TMCO1: variants seen among roughly 807,000 people sequenced by gnomAD.
TMCO1 encodes the protein transmembrane and coiled-coil domains 1, also known as calcium load-activated calcium channel.
TMCO1 carries 29 observed loss-of-function variants against 29.3 expected under a neutral mutation model. The ratio of observed to expected loss-of-function variants is 0.99; its 90% CI spans 0.74 to 1.35. The LOEUF (loss-of-function observed/expected upper bound fraction) is 1.35. Among genes scored for constraint, TMCO1 ranks in the 40% most tolerant of loss-of-function variants. The probability of loss-of-function intolerance (pLI) is 0.00; values close to 1 mark genes in which losing one functional copy is unlikely to be tolerated. For synonymous variants in TMCO1, 80 were observed against 77.1 expected, an observed-to-expected ratio of 1.04 and a Z score of -0.20; for missense variants, 173 against 225.5, an observed-to-expected ratio of 0.77 and a Z score of 1.49.
chr1:165,764,204 T>C lies in TMCO1; in HGVS notation c.148+3988A>G, dbSNP rs144682326. Reference sequence around the variant, plus strand: ...CATGCTGCCAACTAGCATAGGATCATAGCAGAACAATTTTTCACAAAGAAT... The same window carrying C: ...CATGCTGCCAACTAGCATAGGATCACAGCAGAACAATTTTTCACAAAGAAT... On this transcript the variant is annotated intron_variant, in intron 2 of 6. Transcript: ENST00000367881. 6.6e-5 allele frequency among the ~76,000 whole-genome samples: 10 copies of C among 152,352 alleles called. No individual in the cohort carries two copies. The East Asian group carries it at 1.9e-3, about 29-fold the overall frequency.
intron 2 of TMCO1, among the ~76,000 whole-genome samples, chr1:165,767,618 C>T (rs1269027617): frequency 6.6e-6 from 1 of 152,206 alleles, no homozygotes; most frequent in Non-Finnish European, 1.5e-5. Context: ...TAACTATCCA[C>T]AAGGAACTGC....
At chr1:165,733,552 T>A (rs1051856620) in intron 6 of TMCO1, among the ~76,000 whole-genome samples, 11 of 151,690 alleles carry the variant, frequency 7.3e-5, no homozygotes, top group African/African-American at 2.7e-4. Flanking sequence ...TAGGAGATCG[T>A]GCAGCTGCAC....
At chr1:165,735,183 C>A (rs867745650) in intron 6 of TMCO1, among the ~76,000 whole-genome samples, 2 of 152,108 alleles carry the variant, frequency 1.3e-5, no homozygotes. Context: ...CTCTTTCTCC[C>A]GTATCTTTCC....
chr1:165,750,131 T>C (rs1192871518), intron 5 of TMCO1, among the ~76,000 whole-genome samples: 4 of 152,296 alleles, frequency 2.6e-5, no homozygotes, highest in South Asian at 2.1e-4. Context: ...GAACAATATA[T>C]ACCAAAGTTT....
At chr1:165,747,407 T>A (rs1361978355) in intron 5 of TMCO1, among the ~76,000 whole-genome samples, 1 of 152,062 alleles carries the variant, frequency 6.6e-6, no homozygotes, top group Non-Finnish European at 1.5e-5. Flanking sequence ...AGAAATACCA[T>A]GTTTCTGGAT....
intron 2 of TMCO1, among the ~76,000 whole-genome samples, chr1:165,761,155 T>C (rs1165853960): frequency 6.7e-6 from 1 of 148,752 alleles, no homozygotes; most frequent in Non-Finnish European, 1.5e-5. Flanking sequence ...CAAAATAAAA[T>C]ATGTGTTTTG....
At chr1:165,757,374 C>G (rs962528047) in intron 3 of TMCO1, among the ~76,000 whole-genome samples, 11 of 152,218 alleles carry the variant, frequency 7.2e-5, no homozygotes. Flanking sequence ...TTCTGATAGT[C>G]TGGCTTAATC....
rs1183942164 is a variant in TMCO1, at chr1:165,727,317, G to A, written c.*706C>T. On this transcript the variant is annotated 3_prime_UTR_variant, in exon 7 of 7. Transcript: ENST00000367881. ...ATTTAATTTTTTTTCAGACATCAGT[G>A]TTACTTGCCAAGACCCTCATTTTTA... 4.4e-6 allele frequency: 2 copies of A among 452,872 alleles called. No homozygotes were observed. The highest frequency in any genetic ancestry group is 4.0e-5 in the African/African-American group (2 of 49,818). 28.1% of individuals were successfully genotyped at this position (452,872 alleles called of 1,614,324 possible).
chr1:165,744,851 A>G (rs1651734905), intron 5 of TMCO1, among the ~76,000 whole-genome samples: 1 of 151,994 alleles, frequency 6.6e-6, no homozygotes, highest in African/African-American at 2.4e-5. Context: ...CTTTATGTAA[A>G]TGATTCAGGA....
intron 6 of TMCO1, among the ~76,000 whole-genome samples, chr1:165,734,241 A>G (rs1651283272): frequency 1.3e-5 from 2 of 152,186 alleles, no homozygotes; most frequent in Admixed American, 1.3e-4. Flanking sequence ...TGGGAAAAAT[A>G]ATGTAGAGAT....
chr1:165,764,228 A>G (rs1255641167), intron 2 of TMCO1, among the ~76,000 whole-genome samples: 1 of 152,242 alleles, frequency 6.6e-6, no homozygotes, highest in Non-Finnish European at 1.5e-5. Context: ...TTCACAAAGA[A>G]TATATGTGAT....
intron 6 of TMCO1, among the ~76,000 whole-genome samples, chr1:165,735,219 T>C (rs544282734): frequency 4.1e-4 from 62 of 152,328 alleles, no homozygotes; most frequent in South Asian, 8.3e-4. Flanking sequence ...AGATCTCTTT[T>C]AGCTCCTTCT....
chr1:165,766,935 T>G (rs1457438318), intron 2 of TMCO1, among the ~76,000 whole-genome samples: 1 of 152,080 alleles, frequency 6.6e-6, no homozygotes, highest in Non-Finnish European at 1.5e-5. Flanking sequence ...TGGAAGAATA[T>G]CACGTTTGTG....
chr1:165,731,543 C>T (rs1031840489), intron 6 of TMCO1, among the ~76,000 whole-genome samples: 1 of 152,040 alleles, frequency 6.6e-6, no homozygotes. Context: ...GATTAAAAAC[C>T]AATGTAAAAA....
chr1:165,761,612 A>C (rs1220481208), intron 2 of TMCO1, among the ~76,000 whole-genome samples: 3 of 152,150 alleles, frequency 2.0e-5, no homozygotes, highest in African/African-American at 7.2e-5. Flanking sequence ...GTGAGAGATC[A>C]TAAAAGAAAA....
intron 6 of TMCO1, among the ~76,000 whole-genome samples, chr1:165,741,969 TA>T (rs1460488723): frequency 6.6e-6 from 1 of 152,218 alleles, no homozygotes; most frequent in African/African-American, 2.4e-5. Context: ...TACAGAGCCA[TA>T]AGCCAATTAA....
At chr1:165,724,484 T>TA, downstream of TMCO1, 1 of 454,066 alleles carries the variant, frequency 2.2e-6, no homozygotes, top group Non-Finnish European at 4.4e-6. Flanking sequence ...GATGAACCAA[T>TA]AGGTGAGTGA....
At chr1:165,734,549 G>A (rs749067507) in intron 6 of TMCO1, among the ~76,000 whole-genome samples, 4 of 151,660 alleles carry the variant, frequency 2.6e-5, no homozygotes, top group African/African-American at 4.9e-5. Flanking sequence ...TGTCGTCCAG[G>A]CTGGAGTGCA....
At chr1:165,728,187 G>T in intron 6 of TMCO1, 66 bp from the exon 7 acceptor site, 1 of 1,288,396 alleles carries the variant, frequency 7.8e-7, no homozygotes, top group African/African-American at 1.5e-5. Flanking sequence ...GTTTTATGTA[G>T]CTCTCAGGCA....
Sources: allele counts gnomAD v4.1 joint callset (sites outside exome capture counted in the v4.1 genomes callset), GRCh38; gene constraint gnomAD v4.1.1; transcripts MANE v1.5; gene names NCBI Gene and HGNC (gene_info 2026-07-23, HGNC 2026-07-21).